IRAG1: variants seen among roughly 807,000 people sequenced by gnomAD.
The protein encoded by IRAG1 is inositol 1,4,5-triphosphate receptor associated 1, also known as IP3R-associated cGMP kinase substrate.
A neutral mutation model predicts 106.2 loss-of-function variants in IRAG1; 62 were observed. That is an observed-to-expected ratio of 0.58 (90% CI 0.48 to 0.72). The LOEUF is 0.72. IRAG1 is among the 30% of genes least tolerant of loss of function. The probability of loss-of-function intolerance (pLI) is 0.00; values close to 1 mark genes in which losing one functional copy is unlikely to be tolerated. For synonymous variants in IRAG1, 462 were observed against 443.9 expected, an observed-to-expected ratio of 1.04 and a Z score of -0.51; for missense variants, 1,064 against 1,140.7, an observed-to-expected ratio of 0.93 and a Z score of 0.97.
intron 1 of IRAG1, among the ~76,000 whole-genome samples, chr11:10,680,084 G>T (rs1422265499): frequency 6.6e-6 from 1 of 151,804 alleles, no homozygotes; most frequent in African/African-American, 2.4e-5. Context: ...GACTGGCCTG[G>T]CCAACATGGT....
chr11:10,607,079 T>G (rs1186691824), intron 11 of IRAG1, among the ~76,000 whole-genome samples: 1 of 151,402 alleles, frequency 6.6e-6, no homozygotes, highest in Admixed American at 6.6e-5. Flanking sequence ...TATGTACTCA[T>G]GTATGTATGT....
intron 10 of IRAG1, among the ~76,000 whole-genome samples, chr11:10,615,145 A>G (rs1855295115): frequency 1.3e-5 from 2 of 152,268 alleles, no homozygotes; most frequent in South Asian, 4.1e-4. Context: ...ACTTCTCAAA[A>G]GAAGACATTT....
intron 1 of IRAG1, among the ~76,000 whole-genome samples, chr11:10,654,415 C>G (rs1237528718): frequency 6.6e-6 from 1 of 152,252 alleles, no homozygotes; most frequent in African/African-American, 2.4e-5. Context: ...TGATTGCTGT[C>G]TTTCTCTGCA....
chr11:10,691,939 C>T (rs550396405), intron 1 of IRAG1, among the ~76,000 whole-genome samples: 9 of 152,276 alleles, frequency 5.9e-5, no homozygotes, highest in Admixed American at 6.5e-5. Context: ...AGAATGACCC[C>T]TGCTTTGTAG....
At chr11:10,598,115 C>G (rs72862333) in intron 15 of IRAG1, among the ~76,000 whole-genome samples, 4,225 of 152,258 alleles carry the variant, frequency 0.028, 82 homozygotes, top group African/African-American at 0.057. Context: ...TCCTTGGACG[C>G]CCTTAACTTT....
chr11:10,652,497 C>G (rs4910165), intron 1 of IRAG1: 342,785 of 466,820 alleles, frequency 0.73, 129,344 homozygotes, highest in East Asian at 0.99. Context: ...ATTGAGATCA[C>G]ATTGGCAGTT....
rs1854794111 is a variant in IRAG1 at position 10,609,822 on chromosome 11, C to T, written c.1477G>A (p.Glu493Lys). 6.2e-7 allele frequency: 1 copy of T among 1,613,804 alleles called. No individual in the cohort carries two copies. The highest frequency in any genetic ancestry group is 1.3e-5 in the African/African-American group (1 of 74,904). Reference protein sequence around the residue: ...GLPSELSPAIEEEESKSGLDV... With the variant: ...GLPSELSPAIKEEESKSGLDV... ...AAGCCACTCTTTGACTCTTCTTCCT[C>T]AATAGCTGGGGAGAGTTCAGAAGGA... Residue 493 changes from glutamate to lysine, a missense_variant, in exon 11 of 21, where the codon GAG becomes AAG. Glu to Lys is a moderately conservative substitution (Grantham distance 56). Coordinates refer to ENST00000423302, the MANE Select transcript of IRAG1 (RefSeq NM_130385.4).
At position 10,648,682 on chromosome 11, in the gene IRAG1, C is replaced by A. The variant is rs535117180; in HGVS notation, c.225+3343G>T. Among the ~76,000 whole-genome samples, 5 of 152,298 alleles carry A rather than the reference C, an allele frequency of 3.3e-5. No individual in the cohort carries two copies. In the East Asian group the frequency reaches 9.7e-4, roughly 29 times the overall value. On this transcript the variant is annotated intron_variant, in intron 2 of 20. Coordinates refer to ENST00000423302, the MANE Select transcript of IRAG1 (RefSeq NM_130385.4). ...CCTGTTCAAGGGCCAATGCAGAAAA[C>A]CCCACTCAGGACATAGCCTTACAAA... is the stretch of plus-strand genomic sequence containing the variant.
At chr11:10,612,789 T>G (rs1263652942) in intron 10 of IRAG1, among the ~76,000 whole-genome samples, 1 of 151,950 alleles carries the variant, frequency 6.6e-6, no homozygotes, top group Admixed American at 6.6e-5. Context: ...ATACTTTGAC[T>G]CTAGAAAAAA....
In IRAG1 at chr11:10,667,364, T is replaced by C. The variant is rs541478889; in HGVS notation, c.68-15182A>G. ...TGGCTGGGGTATGGCTGGCAGGCTT[T>C]GTGGTTGGGACTGGTTGGGAGCAGC... On this transcript the variant is annotated intron_variant, in intron 1 of 20. Transcript: ENST00000423302. 1.3e-3 allele frequency among the ~76,000 whole-genome samples: 194 copies of C among 152,272 alleles called. 1 individual carries two copies. The highest frequency in any genetic ancestry group is 4.4e-3 in the African/African-American group (181 of 41,540).
intron 12 of IRAG1, 115 bp downstream of exon 12, chr11:10,606,627 A>C: frequency 9.5e-7 from 1 of 1,056,112 alleles, no homozygotes. Context: ...CCCCACAGTC[A>C]CTCTTTCTCA....
At chr11:10,663,588 G>C (rs1859564521) in intron 1 of IRAG1, among the ~76,000 whole-genome samples, 1 of 152,188 alleles carries the variant, frequency 6.6e-6, no homozygotes, top group Admixed American at 6.5e-5. Context: ...ACCTCTCCTG[G>C]AAGCTATATT....
chr11:10,602,788 G>A (rs748190959), intron 14 of IRAG1, among the ~76,000 whole-genome samples: 6 of 152,278 alleles, frequency 3.9e-5, no homozygotes, highest in Non-Finnish European at 8.8e-5. Context: ...AATACGTTTG[G>A]GAACTATGTA....
chr11:10,596,668 A>G (rs980806657), intron 15 of IRAG1, among the ~76,000 whole-genome samples: 2 of 152,186 alleles, frequency 1.3e-5, no homozygotes, highest in African/African-American at 2.4e-5. Context: ...CCATATCTCA[A>G]TGCTTCTTTC....
At position 10,693,343 on chromosome 11, in the gene IRAG1, T is replaced by C. The variant is rs1862210194; in HGVS notation, c.67+193A>G. The C allele has an allele frequency of 3.5e-6, 4 of 1,128,222 alleles. No individual in the cohort carries two copies. The South Asian group carries it at 7.1e-5, about 20-fold the overall frequency. 69.9% of individuals were successfully genotyped at this position (1,128,222 alleles called of 1,614,324 possible). A position where few individuals can be genotyped will look rare whatever the true frequency, so the allele number is the denominator to read the frequency against. ...CTAGTTAAGTTAGGACTGGCAAGAT[T>C]CACTTCTGATTTAAAACTTAAGACA... is the stretch of plus-strand genomic sequence containing the variant. On this transcript the variant is annotated intron_variant, in intron 1 of 20. Coordinates refer to ENST00000423302, the MANE Select transcript of IRAG1 (RefSeq NM_130385.4).
intron 2 of IRAG1, among the ~76,000 whole-genome samples, chr11:10,636,173 G>C (rs925361834): frequency 6.6e-6 from 1 of 152,120 alleles, no homozygotes; most frequent in Non-Finnish European, 1.5e-5. Context: ...ACATTGATAA[G>C]GTACCTATGC....
At chr11:10,631,574 G>A (rs1342898046) in intron 4 of IRAG1, among the ~76,000 whole-genome samples, 2 of 152,168 alleles carry the variant, frequency 1.3e-5, no homozygotes, top group African/African-American at 4.8e-5. Flanking sequence ...AACTCTATAT[G>A]AGATCTATGT....
At chr11:10,583,563 G>A (rs889088914) in intron 18 of IRAG1, among the ~76,000 whole-genome samples, 4 of 152,178 alleles carry the variant, frequency 2.6e-5, no homozygotes, top group Non-Finnish European at 5.9e-5. Flanking sequence ...AGGGGAGGTT[G>A]GAAAGGGGAA....
chr11:10,576,458 G>C lies in IRAG1; in HGVS notation c.2613C>G (p.Leu871=), dbSNP rs774212799. The C allele has an allele frequency of 3.1e-6, 5 of 1,614,016 alleles. No homozygotes were observed. The highest frequency in any genetic ancestry group is 4.2e-6 in the Non-Finnish European group (5 of 1,179,906). ...CTGCACAAGAGTTATAGGAATTGTAGAGCCCCAGCACAACAGTCAAGACCA... is the reference window on the plus strand; with the variant it reads ...CTGCACAAGAGTTATAGGAATTGTACAGCCCCAGCACAACAGTCAAGACCA... ...VMLVLTVVLG[L]YNSYNSCAEQ... is the part of the protein sequence containing the mutation. The change falls in exon 21 of 21, where the codon CTC becomes CTG. Residue 871 remains leucine (L), a synonymous_variant. Transcript: ENST00000423302.
Sources: gnomAD v4.1 joint callset for allele counts (sites outside exome capture counted in the v4.1 genomes callset) on GRCh38, gnomAD v4.1.1 for gene constraint, MANE v1.5 for transcripts, NCBI Gene and HGNC (gene_info 2026-07-23, HGNC 2026-07-21) for gene names.